Variants in AR observed in about 807,000 individuals in gnomAD.
AR encodes androgen receptor, also known as dihydrotestosterone receptor.
A neutral mutation model predicts 53.9 loss-of-function variants in AR; 8 were observed. The ratio of observed to expected loss-of-function variants is 0.15; its 90% CI spans 0.09 to 0.27. The LOEUF (loss-of-function observed/expected upper bound fraction) is 0.27. Among genes scored for constraint, AR ranks in the 10% least tolerant of loss-of-function variants. The probability of loss-of-function intolerance (pLI) is 1.00; values close to 1 mark genes in which losing one functional copy is unlikely to be tolerated. For synonymous variants in AR, 359 were observed against 316.4 expected (o/e 1.13, Z -1.43); for missense variants, 639 against 742.5 (o/e 0.86, Z 1.62).
At chrX:67,640,654 C>T (rs1428771301) in intron 1 of AR, among the ~76,000 whole-genome samples, 3 of 110,863 alleles carry the variant, frequency 2.7e-5, no homozygotes, top group South Asian at 3.8e-4. Flanking sequence ...CTGTGGGATC[C>T]GTGGTGATAT....
intron 2 of AR, among the ~76,000 whole-genome samples, chrX:67,667,403 C>T (rs1298575618): frequency 9.0e-6 from 1 of 110,953 alleles, no homozygotes; most frequent in Middle Eastern, 4.6e-3. Context: ...CTGTTCTGTT[C>T]CATTGGTCTA....
At chrX:67,610,365 A>T (rs1923822758) in intron 1 of AR, among the ~76,000 whole-genome samples, 1 of 111,372 alleles carries the variant, frequency 9.0e-6, no homozygotes, top group African/African-American at 3.3e-5. Context: ...ATTTTTTATT[A>T]GCATTTTTAA....
chrX:67,722,663 C>T (rs999074055), intron 6 of AR, 164 bp from the exon 7 acceptor site: 18 of 552,171 alleles, frequency 3.3e-5, no homozygotes, highest in Non-Finnish European at 5.2e-5. Flanking sequence ...ATCTCCCTGA[C>T]AGACTGAAGG....
intron 1 of AR, among the ~76,000 whole-genome samples, chrX:67,604,509 T>A (rs1923535196): frequency 9.0e-6 from 1 of 111,135 alleles, no homozygotes; most frequent in Non-Finnish European, 1.9e-5. Flanking sequence ...TCACTTTCTC[T>A]AACCCTTAGC....
intron 1 of AR, among the ~76,000 whole-genome samples, chrX:67,614,262 C>T (rs1169951001): frequency 9.0e-6 from 1 of 111,527 alleles, no homozygotes; most frequent in African/African-American, 3.3e-5. Context: ...TCATTGGTGC[C>T]ATGCCAACCC....
At chrX:67,583,461 G>A (rs73227870) in intron 1 of AR, among the ~76,000 whole-genome samples, 1 of 111,473 alleles carries the variant, frequency 9.0e-6, no homozygotes, top group South Asian at 3.8e-4. Context: ...CATTGCCATG[G>A]GGCTGCAAGA....
chrX:67,615,650 T>A (rs2147390929), intron 1 of AR, among the ~76,000 whole-genome samples: 1 of 111,451 alleles, frequency 9.0e-6, no homozygotes, highest in Admixed American at 9.5e-5. Flanking sequence ...TAAAAATACA[T>A]CATTATATAT....
chrX:67,575,604 C>T (rs1922011293), intron 1 of AR, among the ~76,000 whole-genome samples: 1 of 111,916 alleles, frequency 8.9e-6, no homozygotes, highest in Non-Finnish European at 1.9e-5. Flanking sequence ...CTTTCAGAAA[C>T]TAGACTTTAA....
chrX:67,651,000 C>T (rs1485222595), intron 2 of AR, among the ~76,000 whole-genome samples: 1 of 110,765 alleles, frequency 9.0e-6, no homozygotes, highest in African/African-American at 3.3e-5. Context: ...AGATACAGGG[C>T]CTGCTTCCAG....
rs752990107 is a variant in AR at position 67,627,940 on chromosome X, T to G, written c.1617-15316T>G. Reference sequence around the variant, plus strand: ...TTTGTCAGGTTTGTCAAAGATCAGATAGTTGTAGATATGCGGCATTATTTC... The same window carrying G: ...TTTGTCAGGTTTGTCAAAGATCAGAGAGTTGTAGATATGCGGCATTATTTC... On this transcript the variant is annotated intron_variant, in intron 1 of 7. Transcript: ENST00000374690. Among the ~76,000 whole-genome samples, 7 of 111,855 alleles carry G rather than the reference T, an allele frequency of 6.3e-5. No homozygotes were observed. In the South Asian group the frequency reaches 2.6e-3, roughly 42 times the overall value.
intron 5 of AR, among the ~76,000 whole-genome samples, chrX:67,719,855 G>T (rs2076128425): frequency 9.0e-6 from 1 of 111,613 alleles, no homozygotes; most frequent in South Asian, 3.8e-4. Context: ...GGGAGCCTCA[G>T]ACCCAAAGAG....
chrX:67,637,897 A>C (rs1026451940), intron 1 of AR, among the ~76,000 whole-genome samples: 1 of 110,798 alleles, frequency 9.0e-6, no homozygotes, highest in African/African-American at 3.3e-5. Context: ...ACATAGGTAC[A>C]CACATGCCAG....
chrX:67,554,883 C>A, intron 1 of AR, among the ~76,000 whole-genome samples: 1 of 105,370 alleles, frequency 9.5e-6, no homozygotes, highest in Non-Finnish European at 1.9e-5. Flanking sequence ...TTGCAGTGAG[C>A]CGAGATCATG....
intron 4 of AR, among the ~76,000 whole-genome samples, chrX:67,717,198 A>G (rs1000571276): frequency 8.9e-6 from 1 of 112,225 alleles, no homozygotes; most frequent in Non-Finnish European, 1.9e-5. Context: ...TAAGCAGTCA[A>G]TAAGTGTTAG....
At chrX:67,709,803 C>A (rs1461972421) in intron 3 of AR, among the ~76,000 whole-genome samples, 1 of 111,925 alleles carries the variant, frequency 8.9e-6, no homozygotes, top group African/African-American at 3.3e-5. Flanking sequence ...CAACTATGAG[C>A]AACTATGTGT....
At chrX:67,590,390 T>A (rs1283382839) in intron 1 of AR, among the ~76,000 whole-genome samples, 3 of 111,895 alleles carry the variant, frequency 2.7e-5, no homozygotes, top group Non-Finnish European at 5.6e-5. Flanking sequence ...TGGCTACACC[T>A]TTTAATGATT....
chrX:67,633,935 G>T (rs780961248), intron 1 of AR, among the ~76,000 whole-genome samples: 1 of 111,468 alleles, frequency 9.0e-6, no homozygotes, highest in East Asian at 2.8e-4. Context: ...GCTGCTAATG[G>T]GTACAGGATT....
intron 3 of AR, chrX:67,695,840 C>T: frequency 1.3e-6 from 1 of 752,586 alleles, no homozygotes; most frequent in Non-Finnish European, 1.6e-6. Flanking sequence ...CACACATACA[C>T]ACACACTTCT....
chrX:67,676,641 T>C (rs2075901889), intron 2 of AR, among the ~76,000 whole-genome samples: 1 of 111,458 alleles, frequency 9.0e-6, no homozygotes, highest in African/African-American at 3.3e-5. Context: ...GAGCAAGCCC[T>C]TGTTTCATTG....
Sources: gnomAD v4.1 joint callset for allele counts (sites outside exome capture counted in the v4.1 genomes callset) on GRCh38, gnomAD v4.1.1 for gene constraint, MANE v1.5 for transcripts, NCBI Gene and HGNC (gene_info 2026-07-23, HGNC 2026-07-21) for gene names.